The following SHISA3 variants were observed in gnomAD, a reference collection of about 807,000 sequenced individuals.
SHISA3 encodes protein shisa-3 homolog.
SHISA3 carries 15 observed loss-of-function variants against 19.2 expected under a neutral mutation model. That is an observed-to-expected ratio of 0.78 (90% CI 0.52 to 1.20). The LOEUF is 1.20. SHISA3 is among the 50% of genes most tolerant of loss of function. SHISA3 has a pLI of 0.00. For missense variants in SHISA3, 327 were observed against 315.7 expected (o/e 1.04, Z -0.27); for synonymous variants, 145 against 135.2 (o/e 1.07, Z -0.50).
intron 1 of SHISA3, among the ~76,000 whole-genome samples, chr4:42,399,200 G>T (rs764058851): frequency 6.6e-6 from 1 of 152,162 alleles, no homozygotes; most frequent in Non-Finnish European, 1.5e-5. Context: ...CTGAGAGCGG[G>T]TGACACCCCA....
chr4:42,400,909 G>A, intron 1 of SHISA3, 103 bp from the exon 2 acceptor site: 5 of 1,175,586 alleles, frequency 4.3e-6, no homozygotes, highest in Non-Finnish European at 6.1e-6. Flanking sequence ...AGCAGTGATA[G>A]TAACTGAGTC....
chr4:42,397,709 G>C lies in SHISA3; in HGVS notation c.-348G>C. On this transcript the variant is annotated 5_prime_UTR_variant, in exon 1 of 2. Transcript: ENST00000319234. ...GGCGCTATGGCTCCCTTGAGGAGTGGGGAGGGAGGTGGCCGGGGGGTTGGC... is the reference window on the plus strand; with the variant it reads ...GGCGCTATGGCTCCCTTGAGGAGTGCGGAGGGAGGTGGCCGGGGGGTTGGC... The C allele has an allele frequency of 3.7e-6, 1 of 271,302 alleles. No homozygotes were observed. The highest frequency in any genetic ancestry group is 6.9e-6 in the Non-Finnish European group (1 of 145,462). The allele number at this position is 271,302 out of a possible 1,614,324, so 16.8% of individuals were successfully genotyped here. A position where few individuals can be genotyped will look rare whatever the true frequency, so the allele number is the denominator to read the frequency against.
rs555455455 is a variant in SHISA3, at chr4:42,398,024, C to T, written c.-33C>T. 2.0e-6 allele frequency: 3 copies of T among 1,510,426 alleles called. No homozygotes were observed. Among genetic ancestry groups the T allele is most frequent in the East Asian group, 2.4e-5 (1 of 41,534 alleles). The allele number at this position is 1,510,426 out of a possible 1,614,324, so 93.6% of individuals were successfully genotyped here. On this transcript the variant is annotated 5_prime_UTR_variant, in exon 1 of 2. Transcript: ENST00000319234. ...TCAGCCCTTCGCTTTCCAGCTGCGTCCTGCTCCCGGCCGCCCAGGGAGCCC... is the reference window on the plus strand; with the variant it reads ...TCAGCCCTTCGCTTTCCAGCTGCGTTCTGCTCCCGGCCGCCCAGGGAGCCC...
chr4:42,397,771 AGG>A lies in SHISA3; in HGVS notation c.-284_-283del, dbSNP rs538812468. The A allele has an allele frequency of 2.0e-4, 76 of 384,482 alleles. No individual in the cohort carries two copies. Among genetic ancestry groups the A allele is most frequent in the African/African-American group, 1.5e-3 (71 of 47,194 alleles). The allele number at this position is 384,482 out of a possible 1,614,324, so 23.8% of individuals were successfully genotyped here. The stretch of plus-strand genomic sequence containing the variant: ...GCGGGGAGCGCTATGAGCCGGGCGA[AGG>A]GCGGCAGCGACAGCCCCAGCAACTG... On this transcript the variant is annotated 5_prime_UTR_variant, in exon 1 of 2. It removes the in-frame stop codon of an upstream open reading frame in the 5' UTR. Transcript: ENST00000319234.
In SHISA3 at chr4:42,401,217, G is replaced by C. The variant is rs141111695; in HGVS notation, c.483G>C (p.Gln161His). The C allele has an allele frequency of 4.6e-5, 75 of 1,614,062 alleles. No individual in the cohort carries two copies. Among genetic ancestry groups the C allele is most frequent in the Non-Finnish European group, 6.1e-5 (72 of 1,180,046 alleles). ...TSTSPRAPSR[Q>H]SSTATSSSST... ...CCAGCCCCAGGGCACCCTCCCGGCA[G>C]TCCAGCACAGCCACGAGCTCCAGCT... Residue 161 changes from glutamine to histidine, a missense_variant, in exon 2 of 2, where the codon CAG becomes CAC. Transcript: ENST00000319234.
At position 42,397,516 on chromosome 4, in the gene SHISA3, C is replaced by T. The variant is rs544230830; in HGVS notation, c.-541C>T. On this transcript the variant is annotated 5_prime_UTR_variant, in exon 1 of 2. Coordinates refer to ENST00000319234, the MANE Select transcript of SHISA3 (RefSeq NM_001080505.3). ...AACCCCGCGGCCGTTTGTACTTGGCCGCGGCGGAGCTGACTCCTGCTCCTG... is the reference window on the plus strand; with the variant it reads ...AACCCCGCGGCCGTTTGTACTTGGCTGCGGCGGAGCTGACTCCTGCTCCTG... Among the ~76,000 whole-genome samples the T allele has an allele frequency of 6.6e-6, 1 of 152,298 alleles. No individual in the cohort carries two copies. Among genetic ancestry groups the T allele is most frequent in the South Asian group, 2.1e-4 (1 of 4,832 alleles).
At position 42,398,213 on chromosome 4, in the gene SHISA3, G is replaced by A; in HGVS notation, c.157G>A (p.Ala53Thr). The A allele has an allele frequency of 6.3e-7, 1 of 1,597,836 alleles. No individual in the cohort carries two copies. The highest frequency in any genetic ancestry group is 1.7e-5 in the Admixed American group (1 of 58,148). Reference protein sequence around the residue: ...QCPEDFDTLDATICCGSCALR... With the variant: ...QCPEDFDTLDTTICCGSCALR... ...CCCAGAGGACTTCGACACGCTGGAC[G>A]CTACCATCTGCTGCGGCTCCTGCGC... is the stretch of plus-strand genomic sequence containing the variant. The change falls in exon 1 of 2, where the codon GCT (alanine) becomes ACT (threonine). Residue 53 changes from alanine (A) to threonine (T), a missense_variant. Transcript: ENST00000319234.
chr4:42,399,027 G>T (rs760124103), intron 1 of SHISA3, among the ~76,000 whole-genome samples: 23 of 152,110 alleles, frequency 1.5e-4, no homozygotes, highest in Non-Finnish European at 1.6e-4. Context: ...CGGAAAACAC[G>T]GGTCAAATTT....
Position 42,401,441 on chromosome 4 carries a change from G to T in SHISA3, c.707G>T (p.Ser236Ile), listed in dbSNP as rs201716236. The change falls in exon 2 of 2, where the codon AGT becomes ATT. Residue 236 changes from serine to isoleucine, a missense_variant. Ser to Ile is a moderately radical substitution (Grantham distance 142). Transcript: ENST00000319234. The stretch of plus-strand genomic sequence containing the variant: ...CCTGGGAAGAGCTGTCCAGACTTCA[G>T]TTCCAGTTGACACGCCCAGGCCATG... Reference protein sequence around the residue: ...PLPGKSCPDFSSS With the variant: ...PLPGKSCPDFISS 9.2e-5 allele frequency: 144 copies of T among 1,571,856 alleles called. 1 individual carries two copies. The East Asian group carries it at 1.8e-3, about 20-fold the overall frequency.
chr4:42,397,790 C>A lies in SHISA3; in HGVS notation c.-267C>A. On this transcript the variant is annotated 5_prime_UTR_variant, in exon 1 of 2. Transcript: ENST00000319234. The stretch of plus-strand genomic sequence containing the variant: ...GGGCGAAGGGCGGCAGCGACAGCCC[C>A]AGCAACTGCCTCTGCCGGCGCCTCC... 2.3e-6 allele frequency: 1 copy of A among 426,256 alleles called. No homozygotes were observed. The highest frequency in any genetic ancestry group is 4.1e-6 in the Non-Finnish European group (1 of 242,250). The allele number at this position is 426,256 out of a possible 1,614,324, so 26.4% of individuals were successfully genotyped here.
intron 1 of SHISA3, 36 bp from the exon 2 acceptor site, chr4:42,400,976 T>C (rs777703404): frequency 6.3e-6 from 10 of 1,591,770 alleles, no homozygotes; most frequent in Non-Finnish European, 6.9e-6. Context: ...GAGATCCTCA[T>C]CTGAGCATCT....
At chr4:42,400,267 A>G (rs1711869273) in intron 1 of SHISA3, among the ~76,000 whole-genome samples, 2 of 152,188 alleles carry the variant, frequency 1.3e-5, no homozygotes, top group South Asian at 4.1e-4. Flanking sequence ...TGTTTGAGGG[A>G]TGCTTTTATA....
In SHISA3 at chr4:42,398,064, C is replaced by T. The variant is rs1287414970; in HGVS notation, c.8C>T (p.Ala3Val). Reference protein sequence around the residue: MRALLALCLLLGW... With the variant: MRVLLALCLLLGW... Reference sequence around the variant, plus strand: ...CCAGGGAGCCCAGTGGCGATGAGGGCACTGCTGGCGCTTTGCCTTCTCCTT... The same window carrying T: ...CCAGGGAGCCCAGTGGCGATGAGGGTACTGCTGGCGCTTTGCCTTCTCCTT... The change falls in exon 1 of 2, where the codon GCA becomes GTA. Residue 3 changes from alanine to valine, a missense_variant. Transcript: ENST00000319234. 1 of 1,589,644 alleles carries T rather than the reference C, an allele frequency of 6.3e-7. No individual in the cohort carries two copies. Among genetic ancestry groups the T allele is most frequent in the Admixed American group, 1.8e-5 (1 of 57,090 alleles).
rs760293847 is a variant in SHISA3 at position 42,398,170 on chromosome 4, C to G, written c.114C>G (p.Tyr38Ter). The change falls in exon 1 of 2, where the codon TAC (tyrosine) becomes TAG (stop). Residue 38 changes from tyrosine to a stop codon, truncating the protein, a stop_gained. Coordinates refer to ENST00000319234, the MANE Select transcript of SHISA3 (RefSeq NM_001080505.3). LOFTEE classifies it high-confidence loss of function. ...CHGWVDVQGN[Y>*]HEGFQCPEDF... ...GCTGGGTGGACGTGCAGGGCAACTA[C>G]CACGAGGGCTTCCAGTGCCCAGAGG... is the stretch of plus-strand genomic sequence containing the variant. 1.2e-6 allele frequency: 2 copies of G among 1,607,114 alleles called. No homozygotes were observed. Among genetic ancestry groups the G allele is most frequent in the Non-Finnish European group, 1.7e-6 (2 of 1,177,204 alleles).
At chr4:42,398,629 GA>G (rs1560286838) in intron 1 of SHISA3, among the ~76,000 whole-genome samples, 1 of 152,146 alleles carries the variant, frequency 6.6e-6, no homozygotes, top group African/African-American at 2.4e-5. Context: ...TAGCCGGGGG[GA>G]AGACAGCTGG....
At position 42,401,418 on chromosome 4, in the gene SHISA3, T is replaced by C; in HGVS notation, c.684T>C (p.Pro228=). The change falls in exon 2 of 2, where the codon CCT becomes CCC. Residue 228 remains proline (P), a synonymous_variant. Coordinates refer to ENST00000319234, the MANE Select transcript of SHISA3 (RefSeq NM_001080505.3). The part of the protein sequence containing the change: ...AYPLQQEPPL[P]GKSCPDFSSS ...CCCTCCAGCAGGAGCCCCCACTGCC[T>C]GGGAAGAGCTGTCCAGACTTCAGTT... is the stretch of plus-strand genomic sequence containing the variant. The C allele has an allele frequency of 6.3e-7, 1 of 1,593,900 alleles. No individual in the cohort carries two copies. Among genetic ancestry groups the C allele is most frequent in the South Asian group, 1.2e-5 (1 of 85,738 alleles).
intron 1 of SHISA3, among the ~76,000 whole-genome samples, chr4:42,399,780 G>A (rs1216612151): frequency 6.6e-6 from 1 of 152,236 alleles, no homozygotes; most frequent in Non-Finnish European, 1.5e-5. Context: ...AAGGAGTTAA[G>A]TTGTTGGTGA....
chr4:42,401,250 C>T lies in SHISA3; in HGVS notation c.516C>T (p.Gly172=), dbSNP rs752715174. 7.4e-6 allele frequency: 12 copies of T among 1,614,148 alleles called. No individual in the cohort carries two copies. The highest frequency in any genetic ancestry group is 1.3e-5 in the African/African-American group (1 of 75,072). ...SSTATSSSST[G]GSIRRFSFAR... ...CAGCCACGAGCTCCAGCTCCACAGG[C>T]GGCTCCATCCGCAGGTTCTCCTTTG... The change falls in exon 2 of 2, where the codon GGC becomes GGT. Residue 172 remains glycine, a synonymous_variant. Coordinates refer to ENST00000319234, the MANE Select transcript of SHISA3 (RefSeq NM_001080505.3).
intron 1 of SHISA3, among the ~76,000 whole-genome samples, chr4:42,399,796 G>C (rs965867575): frequency 6.6e-6 from 1 of 152,234 alleles, no homozygotes; most frequent in African/African-American, 2.4e-5. Flanking sequence ...GGTGACGTGA[G>C]AGTGTATGAA....
Sources: gnomAD v4.1 joint callset for allele counts (sites outside exome capture counted in the v4.1 genomes callset) on GRCh38, gnomAD v4.1.1 for gene constraint, MANE v1.5 for transcripts, NCBI Gene and HGNC (gene_info 2026-07-23, HGNC 2026-07-21) for gene names.